The following FSTL4 variants were observed in gnomAD, a reference collection of about 807,000 sequenced individuals.
FSTL4 encodes follistatin like 4, also known as follistatin-related protein 4.
Under a neutral mutation model 78.2 loss-of-function variants are expected in FSTL4, and 28 were observed. The ratio of observed to expected loss-of-function variants is 0.36; its 90% confidence interval spans 0.27 to 0.49. The LOEUF (loss-of-function observed/expected upper bound fraction) is 0.49. Ranked by LOEUF, FSTL4 falls within the 20% of genes least tolerant of loss-of-function variation. The probability of loss-of-function intolerance (pLI) is 0.98; values close to 1 mark genes in which losing one functional copy is unlikely to be tolerated. For synonymous variants in FSTL4, 422 were observed against 440.5 expected, an observed-to-expected ratio of 0.96 and a Z score of 0.53; for missense variants, 922 against 1,084.9, an observed-to-expected ratio of 0.85 and a Z score of 2.11.
rs186887224 is a variant in FSTL4 at position 133,269,663 on chromosome 5, C to T, written c.728-20087G>A. On this transcript the variant is annotated intron_variant, in intron 6 of 15. Coordinates refer to ENST00000265342, the MANE Select transcript of FSTL4 (RefSeq NM_015082.2). ...GGCCCAAGCCCTCACTAGAGATGGTCCTTTGTCTGGTCCTTTGTCTGCTCC... is the reference window on the plus strand; with the variant it reads ...GGCCCAAGCCCTCACTAGAGATGGTTCTTTGTCTGGTCCTTTGTCTGCTCC... 1.3e-3 allele frequency among the ~76,000 whole-genome samples: 205 copies of T among 152,280 alleles called. No homozygotes were observed. The Middle Eastern group carries it at 0.024, about 18-fold the overall frequency.
In FSTL4 at chr5:133,343,984, T is replaced by A. The variant is rs535408911; in HGVS notation, c.410-27332A>T. The stretch of plus-strand genomic sequence containing the variant: ...CACACATATTGGCATTTTCATTACA[T>A]AAATACATTGATATTTTCAACTGAG... On this transcript the variant is annotated intron_variant, in intron 4 of 15. Transcript: ENST00000265342. Among the ~76,000 whole-genome samples, 4 of 152,338 alleles carry A rather than the reference T, an allele frequency of 2.6e-5. No individual in the cohort carries two copies. The East Asian group carries it at 5.8e-4, about 22-fold the overall frequency.
At chr5:133,764,395 G>A in the FSTL4 span, among the ~76,000 whole-genome samples, 1 of 152,126 alleles carries the variant, frequency 6.6e-6, no homozygotes, top group African/African-American at 2.4e-5. Context: ...GATGCACCAG[G>A]CATGATTCCA....
intron 3 of FSTL4, among the ~76,000 whole-genome samples, chr5:133,498,124 T>C (rs1222555805): frequency 6.6e-6 from 1 of 152,170 alleles, no homozygotes. Context: ...GAGCAGTGGG[T>C]GTACTGTGCA....
chr5:133,589,286 T>TAAAAAAAAA (rs113649317), intron 2 of FSTL4, among the ~76,000 whole-genome samples: 3 of 80,394 alleles, frequency 3.7e-5, no homozygotes, highest in Non-Finnish European at 5.4e-5. Context: ...TAGAGTATAA[T>TAAAAAAAAA]AAAAAAAAAA....
At chr5:133,817,658 A>G in the FSTL4 span, among the ~76,000 whole-genome samples, 1 of 152,190 alleles carries the variant, frequency 6.6e-6, no homozygotes, top group Non-Finnish European at 1.5e-5. Flanking sequence ...GGAAGAAGGA[A>G]GGCTCTTCTC....
At chr5:133,383,583 G>C (rs1311764733) in intron 4 of FSTL4, among the ~76,000 whole-genome samples, 1 of 152,164 alleles carries the variant, frequency 6.6e-6, no homozygotes, top group Non-Finnish European at 1.5e-5. Context: ...ACAGGCCCCA[G>C]GGCCCTGGGA....
the FSTL4 span, among the ~76,000 whole-genome samples, chr5:133,793,702 G>T: frequency 1.3e-5 from 2 of 152,082 alleles, no homozygotes; most frequent in African/African-American, 4.8e-5. Context: ...CACTCCCGCG[G>T]TCTCACATCT....
At chr5:133,717,322 C>T in the FSTL4 span, among the ~76,000 whole-genome samples, 1 of 152,190 alleles carries the variant, frequency 6.6e-6, no homozygotes, top group Admixed American at 6.5e-5. Context: ...GTGAGAACAA[C>T]ATTTGTTTTC....
At chr5:133,443,035 A>G (rs1478996514) in intron 3 of FSTL4, among the ~76,000 whole-genome samples, 1 of 152,216 alleles carries the variant, frequency 6.6e-6, no homozygotes, top group African/African-American at 2.4e-5. Context: ...TTACCTCTAA[A>G]TACACCTGCA....
the FSTL4 span, among the ~76,000 whole-genome samples, chr5:133,664,976 A>G: frequency 6.6e-6 from 1 of 152,158 alleles, no homozygotes; most frequent in Non-Finnish European, 1.5e-5. Flanking sequence ...CAGCATTTCC[A>G]TGCACCTACC....
chr5:133,360,346 T>C (rs1224037804), intron 4 of FSTL4, among the ~76,000 whole-genome samples: 8 of 152,166 alleles, frequency 5.3e-5, no homozygotes, highest in Non-Finnish European at 7.3e-5. Context: ...CCTTAACACA[T>C]GAAAATGTGT....
At chr5:133,807,378 G>A in the FSTL4 span, among the ~76,000 whole-genome samples, 1 of 152,220 alleles carries the variant, frequency 6.6e-6, no homozygotes, top group East Asian at 1.9e-4. Context: ...ACTTCAGAGA[G>A]TTTTTTCTTA....
At chr5:133,682,408 T>C in the FSTL4 span, among the ~76,000 whole-genome samples, 2 of 152,256 alleles carry the variant, frequency 1.3e-5, no homozygotes, top group Admixed American at 6.5e-5. Context: ...CTTGAATTCA[T>C]GCTACCTAGA....
the FSTL4 span, among the ~76,000 whole-genome samples, chr5:133,776,963 G>A: frequency 2.0e-5 from 3 of 152,054 alleles, no homozygotes; most frequent in Non-Finnish European, 2.9e-5. Context: ...TGACCCTCAG[G>A]AGGGCCATGG....
At chr5:133,331,543 T>C (rs1327695008) in intron 4 of FSTL4, among the ~76,000 whole-genome samples, 1 of 152,184 alleles carries the variant, frequency 6.6e-6, no homozygotes, top group African/African-American at 2.4e-5. Flanking sequence ...ACAGGGAAAC[T>C]GCCTCAGAAT....
At chr5:133,403,962 T>C (rs548857556) in intron 3 of FSTL4, among the ~76,000 whole-genome samples, 6 of 152,308 alleles carry the variant, frequency 3.9e-5, no homozygotes, top group Non-Finnish European at 8.8e-5. Context: ...GAGGCTCCCA[T>C]GGCCTTCCCT....
At chr5:133,304,007 G>C (rs776850839) in intron 6 of FSTL4, among the ~76,000 whole-genome samples, 32 of 152,082 alleles carry the variant, frequency 2.1e-4, no homozygotes, top group African/African-American at 7.2e-4. Context: ...AGGTAGCCTC[G>C]GCCATGCAAA....
At chr5:133,599,849 G>C (rs1222873109) in intron 2 of FSTL4, among the ~76,000 whole-genome samples, 1 of 152,090 alleles carries the variant, frequency 6.6e-6, no homozygotes, top group Non-Finnish European at 1.5e-5. Flanking sequence ...TGCAAAAGTG[G>C]GGGGGCGGCC....
the FSTL4 span, among the ~76,000 whole-genome samples, chr5:133,776,102 G>T: frequency 6.5e-3 from 996 of 152,148 alleles, 14 homozygotes; most frequent in African/African-American, 0.023. Context: ...GAACATGCTG[G>T]AGAGTCCCTA....
Sources: gnomAD v4.1 joint callset for allele counts (sites outside exome capture counted in the v4.1 genomes callset) on GRCh38, gnomAD v4.1.1 for gene constraint, MANE v1.5 for transcripts, NCBI Gene and HGNC (gene_info 2026-07-23, HGNC 2026-07-21) for gene names.